Variants in CNTN5 observed in about 807,000 individuals in gnomAD.
CNTN5 encodes contactin-5.
CNTN5 carries 77 observed loss-of-function variants against 129.1 expected under a neutral mutation model. The observed-to-expected ratio is 0.60, with a 90% CI of 0.50 to 0.72. The LOEUF is 0.72. CNTN5 is among the 30% of genes least tolerant of loss of function. CNTN5 has a pLI of 0.00. For synonymous variants in CNTN5, 509 were observed against 465.6 expected (o/e 1.09, Z -1.20); for missense variants, 1,478 against 1,328.8 (o/e 1.11, Z -1.75).
intron 13 of CNTN5, among the ~76,000 whole-genome samples, chr11:100,083,322 A>G (rs1944430846): frequency 6.6e-6 from 1 of 151,588 alleles, no homozygotes; most frequent in Non-Finnish European, 1.5e-5. Flanking sequence ...TGTCTCAAAA[A>G]AAAAAAAAAA....
At chr11:99,171,069 T>TA (rs1861127139) in intron 1 of CNTN5, among the ~76,000 whole-genome samples, 1 of 152,148 alleles carries the variant, frequency 6.6e-6, no homozygotes, top group Non-Finnish European at 1.5e-5. Flanking sequence ...ATATTAGTTT[T>TA]TTTTTCTTAC....
intron 3 of CNTN5, among the ~76,000 whole-genome samples, chr11:99,613,347 C>T (rs1306353239): frequency 6.6e-6 from 1 of 152,140 alleles, no homozygotes; most frequent in Non-Finnish European, 1.5e-5. Context: ...CTTCTTCCTG[C>T]AGTCTTGGGG....
intron 13 of CNTN5, among the ~76,000 whole-genome samples, chr11:100,150,718 G>A (rs1193045295): frequency 6.6e-6 from 1 of 151,890 alleles, no homozygotes; most frequent in Non-Finnish European, 1.5e-5. Context: ...TAGTTTTCTA[G>A]CTGAACTCGG....
At chr11:100,299,509 C>A in intron 20 of CNTN5, 113 bp downstream of exon 20, 1 of 603,544 alleles carries the variant, frequency 1.7e-6, no homozygotes, top group African/African-American at 1.9e-5. Flanking sequence ...TAAACTCATT[C>A]ATAATCTCAC....
At chr11:99,557,929 A>G (rs539152145) in intron 3 of CNTN5, among the ~76,000 whole-genome samples, 1 of 151,896 alleles carries the variant, frequency 6.6e-6, no homozygotes, top group East Asian at 1.9e-4. Context: ...CTAGTAATTA[A>G]ATAACTGAAA....
intron 13 of CNTN5, among the ~76,000 whole-genome samples, chr11:100,178,863 A>G (rs545874454): frequency 6.6e-6 from 1 of 150,864 alleles, no homozygotes; most frequent in East Asian, 2.0e-4. Context: ...TCTCCAGCTG[A>G]CCCCCAATGG....
At chr11:99,624,505 G>A (rs745637974) in intron 3 of CNTN5, among the ~76,000 whole-genome samples, 12 of 152,046 alleles carry the variant, frequency 7.9e-5, no homozygotes, top group Non-Finnish European at 1.3e-4. Flanking sequence ...ATCAGATGAG[G>A]TGGTGGGTTT....
intron 9 of CNTN5, among the ~76,000 whole-genome samples, chr11:100,055,929 A>G (rs1007632172): frequency 1.3e-5 from 2 of 151,400 alleles, no homozygotes; most frequent in African/African-American, 4.8e-5. Flanking sequence ...CTAGCTTTAT[A>G]CTACATGTCT....
chr11:99,459,099 T>C (rs1311171810), intron 2 of CNTN5, among the ~76,000 whole-genome samples: 21 of 152,000 alleles, frequency 1.4e-4, no homozygotes, highest in Non-Finnish European at 2.8e-4. Flanking sequence ...AAGACCTTCT[T>C]GGGGCAATAA....
At chr11:99,858,204 A>G (rs1024944307) in intron 6 of CNTN5, among the ~76,000 whole-genome samples, 1 of 152,146 alleles carries the variant, frequency 6.6e-6, no homozygotes, top group Non-Finnish European at 1.5e-5. Flanking sequence ...GCATTTTCAA[A>G]GGATCACATC....
chr11:99,844,843 T>C lies in CNTN5; in HGVS notation c.278-9T>C, dbSNP rs553104692. On this transcript the variant is annotated splice_polypyrimidine_tract_variant and intron_variant, in intron 4 of 24. Transcript: ENST00000524871. ...GGAAATTTAAAATGTGTCTGTTTTG[T>C]CTTTACAGAAAGTGTGGACTATGGG... The C allele has an allele frequency of 1.9e-6, 3 of 1,606,948 alleles. No homozygotes were observed. Among genetic ancestry groups the C allele is most frequent in the African/African-American group, 2.7e-5 (2 of 74,676 alleles).
At chr11:99,854,957 C>A (rs1947988132) in intron 6 of CNTN5, among the ~76,000 whole-genome samples, 1 of 152,048 alleles carries the variant, frequency 6.6e-6, no homozygotes, top group Admixed American at 6.6e-5. Context: ...GAGTATAATA[C>A]AAATGATGTT....
intron 9 of CNTN5, among the ~76,000 whole-genome samples, chr11:100,027,400 C>T (rs911094707): frequency 1.3e-5 from 2 of 152,060 alleles, no homozygotes; most frequent in Admixed American, 6.6e-5. Flanking sequence ...CTTAATTTTT[C>T]CCCACTGTTA....
chr11:99,268,004 G>C (rs953146186), intron 1 of CNTN5, among the ~76,000 whole-genome samples: 2 of 151,280 alleles, frequency 1.3e-5, no homozygotes, highest in African/African-American at 2.4e-5. Context: ...TGAACCAAGA[G>C]CATGGTGTCC....
At chr11:99,594,554 C>A (rs141900398) in intron 3 of CNTN5, among the ~76,000 whole-genome samples, 3 of 152,268 alleles carry the variant, frequency 2.0e-5, no homozygotes, top group South Asian at 4.1e-4. Flanking sequence ...ATCCACCCAG[C>A]ACATAATAGG....
chr11:99,135,017 A>G (rs1422053598), intron 1 of CNTN5, among the ~76,000 whole-genome samples: 2 of 152,194 alleles, frequency 1.3e-5, no homozygotes, highest in South Asian at 2.1e-4. Context: ...TATGATGAAC[A>G]TTTATTCCAC....
At chr11:99,369,298 AT>A (rs902858775) in intron 2 of CNTN5, among the ~76,000 whole-genome samples, 1 of 114,764 alleles carries the variant, frequency 8.7e-6, no homozygotes, top group African/African-American at 3.0e-5. Flanking sequence ...TAAAGTAGAT[AT>A]ACAGTCAAGA....
At chr11:100,189,586 C>G (rs751836708) in intron 13 of CNTN5, among the ~76,000 whole-genome samples, 1 of 152,142 alleles carries the variant, frequency 6.6e-6, no homozygotes, top group Admixed American at 6.5e-5. Context: ...GTAATTCTTA[C>G]AAGAGGATGC....
chr11:100,276,380 CAT>C (rs1950510542), intron 18 of CNTN5, among the ~76,000 whole-genome samples: 1 of 151,820 alleles, frequency 6.6e-6, no homozygotes. Context: ...CTCTGCTAAA[CAT>C]ATAAAAATCA....
Sources: gnomAD v4.1 joint callset for allele counts (sites outside exome capture counted in the v4.1 genomes callset) on GRCh38, gnomAD v4.1.1 for gene constraint, MANE v1.5 for transcripts, NCBI Gene and HGNC (gene_info 2026-07-23, HGNC 2026-07-21) for gene names.